The following MSI2 variants were observed in gnomAD, a reference collection of about 807,000 sequenced individuals.
MSI2 encodes musashi RNA binding protein 2.
A neutral mutation model predicts 45.6 loss-of-function variants in MSI2; 17 were observed. The ratio of observed to expected loss-of-function variants is 0.37; its 90% CI spans 0.26 to 0.56. The LOEUF is 0.56. Among genes scored for constraint, MSI2 ranks in the 20% least tolerant of loss-of-function variants. The probability of loss-of-function intolerance (pLI) is 0.77; values close to 1 mark genes in which losing one functional copy is unlikely to be tolerated. For synonymous variants in MSI2, 156 were observed against 158.2 expected, an observed-to-expected ratio of 0.99 and a Z score of 0.11; for missense variants, 293 against 444.2, an observed-to-expected ratio of 0.66 and a Z score of 3.06.
chr17:57,537,961 C>T (rs1198664821), intron 7 of MSI2, among the ~76,000 whole-genome samples: 1 of 152,180 alleles, frequency 6.6e-6, no homozygotes, highest in Non-Finnish European at 1.5e-5. Context: ...GGTCTTCCTG[C>T]CTCCCCCTGC....
chr17:57,645,045 G>C (rs1467191155), intron 10 of MSI2, among the ~76,000 whole-genome samples: 1 of 152,202 alleles, frequency 6.6e-6, no homozygotes, highest in Non-Finnish European at 1.5e-5. Flanking sequence ...CAGCCCATGG[G>C]ACAGAGGGCA....
chr17:57,468,749 C>T (rs2085377716), intron 6 of MSI2, among the ~76,000 whole-genome samples: 1 of 151,986 alleles, frequency 6.6e-6, no homozygotes, highest in Admixed American at 6.6e-5. Flanking sequence ...GAGTGGCTGC[C>T]CAGAACGCGG....
chr17:57,548,072 A>T (rs907238274), intron 7 of MSI2, among the ~76,000 whole-genome samples: 3 of 152,206 alleles, frequency 2.0e-5, no homozygotes, highest in Middle Eastern at 3.2e-3. Flanking sequence ...GAGATCCCAT[A>T]GATGTGGACG....
At chr17:57,667,877 C>G (rs571773660) in intron 11 of MSI2, among the ~76,000 whole-genome samples, 2 of 152,344 alleles carry the variant, frequency 1.3e-5, no homozygotes, top group African/African-American at 4.8e-5. Context: ...GATACACTTA[C>G]AGACTCAGAT....
intron 6 of MSI2, among the ~76,000 whole-genome samples, chr17:57,527,057 C>A (rs748764752): frequency 6.6e-6 from 1 of 152,108 alleles, no homozygotes; most frequent in African/African-American, 2.4e-5. Flanking sequence ...TTTGAAAATA[C>A]GTTTTAAAAA....
At chr17:57,701,207 A>G in the MSI2 span, among the ~76,000 whole-genome samples, 1 of 152,208 alleles carries the variant, frequency 6.6e-6, no homozygotes, top group Non-Finnish European at 1.5e-5. Flanking sequence ...TGAAGTGGGA[A>G]TAATGACATC....
chr17:57,340,491 G>C (rs187606685), intron 5 of MSI2, among the ~76,000 whole-genome samples: 217 of 152,280 alleles, frequency 1.4e-3, no homozygotes, highest in African/African-American at 5.0e-3. Context: ...TTGTTGCCCT[G>C]GAACAAAGGG....
chr17:57,369,065 G>T (rs147987241), intron 5 of MSI2, among the ~76,000 whole-genome samples: 1 of 152,156 alleles, frequency 6.6e-6, no homozygotes, highest in African/African-American at 2.4e-5. Context: ...TGAGGTTTAT[G>T]GAAATACTGG....
chr17:57,629,943 G>A (rs1909193664), intron 10 of MSI2: 1 of 152,288 alleles, frequency 6.6e-6, no homozygotes, highest in Non-Finnish European at 1.5e-5. Flanking sequence ...GGAATAATTG[G>A]GAGAGGACAT....
intron 7 of MSI2, among the ~76,000 whole-genome samples, chr17:57,533,064 G>A (rs1294361157): frequency 6.6e-6 from 1 of 152,226 alleles, no homozygotes; most frequent in Non-Finnish European, 1.5e-5. Context: ...GTCTCCACTT[G>A]CTGTTAGGAG....
At chr17:57,526,216 C>A (rs1286790056) in intron 6 of MSI2, among the ~76,000 whole-genome samples, 1 of 152,064 alleles carries the variant, frequency 6.6e-6, no homozygotes, top group East Asian at 1.9e-4. Flanking sequence ...CAGAATGAGA[C>A]TGTCTCAAAG....
intron 11 of MSI2, among the ~76,000 whole-genome samples, chr17:57,667,050 C>G (rs1171831743): frequency 6.6e-6 from 1 of 152,166 alleles, no homozygotes; most frequent in Non-Finnish European, 1.5e-5. Context: ...GATGAGGAAG[C>G]AAAGGCTCTG....
At chr17:57,392,239 T>C (rs1187864470) in intron 5 of MSI2, among the ~76,000 whole-genome samples, 2 of 152,214 alleles carry the variant, frequency 1.3e-5, no homozygotes, top group Non-Finnish European at 2.9e-5. Context: ...TACTCTCTGA[T>C]AGTAATCTGT....
intron 5 of MSI2, among the ~76,000 whole-genome samples, chr17:57,397,418 C>T (rs763290304): frequency 6.6e-6 from 1 of 152,206 alleles, no homozygotes; most frequent in Non-Finnish European, 1.5e-5. Flanking sequence ...CACACCCATG[C>T]ATGTGCATAT....
At chr17:57,678,515 G>A (rs1024728993) in intron 13 of MSI2, among the ~76,000 whole-genome samples, 1 of 152,184 alleles carries the variant, frequency 6.6e-6, no homozygotes, top group Non-Finnish European at 1.5e-5. Flanking sequence ...ATGAAGAGGG[G>A]GTTAAACAAC....
At chr17:57,313,865 G>C (rs1912621189) in intron 5 of MSI2, among the ~76,000 whole-genome samples, 1 of 152,208 alleles carries the variant, frequency 6.6e-6, no homozygotes, top group East Asian at 1.9e-4. Context: ...AAAGAGGCGG[G>C]CCTGCTGGGG....
intron 7 of MSI2, among the ~76,000 whole-genome samples, chr17:57,534,949 G>A (rs1055743501): frequency 7.2e-5 from 11 of 152,222 alleles, no homozygotes; most frequent in African/African-American, 2.7e-4. Context: ...CTTTATCCTT[G>A]TAAAAGTCAG....
At chr17:57,462,502 A>C (rs2085250153) in intron 6 of MSI2, among the ~76,000 whole-genome samples, 1 of 152,204 alleles carries the variant, frequency 6.6e-6, no homozygotes, top group Non-Finnish European at 1.5e-5. Flanking sequence ...TTTCTTCTGG[A>C]ACATTGACTA....
At chr17:57,674,035 C>A (rs993715480) in intron 11 of MSI2, among the ~76,000 whole-genome samples, 1 of 151,402 alleles carries the variant, frequency 6.6e-6, no homozygotes, top group East Asian at 1.9e-4. Flanking sequence ...TCCTGTAGAA[C>A]CATTGGCTTC....
Sources: allele counts gnomAD v4.1 joint callset (sites outside exome capture counted in the v4.1 genomes callset), GRCh38; gene constraint gnomAD v4.1.1; transcripts MANE v1.5; gene names NCBI Gene and HGNC (gene_info 2026-07-23, HGNC 2026-07-21).